PDE8B: variants seen among roughly 807,000 people sequenced by gnomAD.
PDE8B encodes the protein phosphodiesterase 8B.
PDE8B carries 26 observed loss-of-function variants against 101.3 expected under a neutral mutation model. The ratio of observed to expected loss-of-function variants is 0.26; its 90% confidence interval spans 0.19 to 0.36. The LOEUF (loss-of-function observed/expected upper bound fraction) is 0.36, where lower values mean the gene tolerates loss of function less well. Ranked by LOEUF, PDE8B falls within the 10% of genes least tolerant of loss-of-function variation. PDE8B has a pLI of 1.00. For synonymous variants in PDE8B, 424 were observed against 429.3 expected (o/e 0.99, Z 0.15); for missense variants, 810 against 1,163.1 (o/e 0.70, Z 4.42).
chr5:77,383,304 A>G (rs902167630), intron 10 of PDE8B, among the ~76,000 whole-genome samples: 9 of 151,980 alleles, frequency 5.9e-5, no homozygotes, highest in African/African-American at 1.9e-4. Context: ...TTTCTTGTAA[A>G]TTTGTTTAAG....
intron 2 of PDE8B, 74 bp from the exon 3 acceptor site, chr5:77,325,464 TG>T: frequency 7.4e-7 from 1 of 1,360,174 alleles, no homozygotes. Context: ...CCACTGCGCC[TG>T]GCCACTAGGC....
At chr5:77,307,220 T>A (rs1368606036) in intron 1 of PDE8B, among the ~76,000 whole-genome samples, 1 of 152,156 alleles carries the variant, frequency 6.6e-6, no homozygotes, top group Non-Finnish European at 1.5e-5. Flanking sequence ...TCCATGCCTG[T>A]GCCTGTGCTG....
In PDE8B at chr5:77,281,540, G is replaced by A. The variant is rs1401848623; in HGVS notation, c.340-30454G>A. ...TGGCTGCCAGCATTCTGTAGCCTAC[G>A]GCCACCTTATCCCAGTCTCTGCCTC... On this transcript the variant is annotated intron_variant, in intron 1 of 21. Coordinates refer to ENST00000264917, the MANE Select transcript of PDE8B (RefSeq NM_003719.5). Among the ~76,000 whole-genome samples the A allele has an allele frequency of 2.6e-5, 4 of 152,146 alleles. No individual in the cohort carries two copies. In the South Asian group the frequency reaches 6.2e-4, roughly 24 times the overall value.
At chr5:77,238,015 A>G (rs936970806) in intron 1 of PDE8B, among the ~76,000 whole-genome samples, 11 of 152,112 alleles carry the variant, frequency 7.2e-5, no homozygotes, top group Non-Finnish European at 1.6e-4. Flanking sequence ...GGATGCTTTC[A>G]AGAATTTTTC....
chr5:77,344,728 A>T lies in PDE8B; in HGVS notation c.798-125A>T, dbSNP rs530384517. The T allele has an allele frequency of 1.6e-4, 120 of 766,208 alleles. 1 individual carries two copies. Among genetic ancestry groups the T allele is most frequent in the Non-Finnish European group, 2.4e-4 (100 of 415,122 alleles). 47.5% of individuals were successfully genotyped at this position (766,208 alleles called of 1,614,324 possible). On this transcript the variant is annotated intron_variant, in intron 6 of 21. Coordinates refer to ENST00000264917, the MANE Select transcript of PDE8B (RefSeq NM_003719.5). ...ACTGTTGGGAGACATCAGCATTCAG[A>T]CCATGGCAATAACAAAAAGTACGTA...
rs1748144207 is a variant in PDE8B, at chr5:77,210,919, C to A, written c.-7C>A. The A allele has an allele frequency of 1.4e-6, 2 of 1,406,642 alleles. No individual in the cohort carries two copies. Among genetic ancestry groups the A allele is most frequent in the East Asian group, 6.0e-5 (2 of 33,076 alleles). 87.1% of individuals were successfully genotyped at this position (1,406,642 alleles called of 1,614,324 possible). A position where few individuals can be genotyped will look rare whatever the true frequency, so the allele number is the denominator to read the frequency against. Reference sequence around the variant, plus strand: ...CGGGCGGGCGCGCGGGGGAGCCCGGCCGAGGGATGGGCTGCGCCCCCAGCA... The same window carrying A: ...CGGGCGGGCGCGCGGGGGAGCCCGGACGAGGGATGGGCTGCGCCCCCAGCA... On this transcript the variant is annotated 5_prime_UTR_variant, in exon 1 of 22. Transcript: ENST00000264917. The surrounding 1 kb of genome is among the most constrained non-coding windows in gnomAD (Gnocchi z 4.9).
the PDE8B span, among the ~76,000 whole-genome samples, chr5:77,108,482 A>G: frequency 2.6e-5 from 4 of 152,162 alleles, no homozygotes; most frequent in Non-Finnish European, 4.4e-5. Flanking sequence ...CCAGGATTTG[A>G]GACAAGCCTG....
the PDE8B span, among the ~76,000 whole-genome samples, chr5:77,153,220 C>T: frequency 1.8e-4 from 27 of 152,034 alleles, no homozygotes; most frequent in African/African-American, 5.6e-4. Flanking sequence ...GCTTTTATTA[C>T]CTTTTAAGCT....
chr5:77,247,097 G>T (rs375999563), intron 1 of PDE8B, among the ~76,000 whole-genome samples: 11 of 152,196 alleles, frequency 7.2e-5, no homozygotes, highest in African/African-American at 2.7e-4. Flanking sequence ...TGTGCTATGG[G>T]CGTTTCCTCT....
chr5:77,258,773 C>T (rs10066037), intron 1 of PDE8B, among the ~76,000 whole-genome samples: 64,651 of 151,790 alleles, frequency 0.43, 14,078 homozygotes, highest in South Asian at 0.55. Context: ...TTCAGTGCTC[C>T]TACGCTTCCT....
rs1423250503 is a variant in PDE8B at position 77,284,942 on chromosome 5, T to C, written c.340-27052T>C. On this transcript the variant is annotated intron_variant, in intron 1 of 21. Transcript: ENST00000264917. ...CTGTAAACATTCTTGGACATATCTT[T>C]TGGTGCTCACTGGGCACATTCCTAT... Among the ~76,000 whole-genome samples the C allele has an allele frequency of 2.6e-5, 4 of 152,304 alleles. No homozygotes were observed. The East Asian group carries it at 7.7e-4, about 29-fold the overall frequency.
chr5:77,191,971 C>T, the PDE8B span, among the ~76,000 whole-genome samples: 21 of 152,284 alleles, frequency 1.4e-4, no homozygotes, highest in South Asian at 4.4e-3. Context: ...CAACCTAGAT[C>T]CGTTGCATAC....
intron 1 of PDE8B, among the ~76,000 whole-genome samples, chr5:77,300,538 T>C (rs559341362): frequency 6.6e-6 from 1 of 152,322 alleles, no homozygotes; most frequent in South Asian, 2.1e-4. Flanking sequence ...GCTGCTGCGG[T>C]GCTTACCTCT....
At chr5:77,151,789 A>AGG in the PDE8B span, 2 of 152,226 alleles carry the variant, frequency 1.3e-5, no homozygotes, top group Non-Finnish European at 1.5e-5. Flanking sequence ...TTGAAGGCTT[A>AGG]GGGACTGGTT....
At chr5:77,223,214 AG>A (rs1291406754) in intron 1 of PDE8B, among the ~76,000 whole-genome samples, 3 of 151,974 alleles carry the variant, frequency 2.0e-5, no homozygotes, top group African/African-American at 7.3e-5. Context: ...TTAATGAGAT[AG>A]TTTACATTCT....
the PDE8B span, among the ~76,000 whole-genome samples, chr5:77,194,922 G>T: frequency 6.6e-6 from 1 of 152,160 alleles, no homozygotes; most frequent in Non-Finnish European, 1.5e-5. Context: ...GTTATTGTTT[G>T]AATACCTGTT....
chr5:77,165,832 C>A, the PDE8B span, among the ~76,000 whole-genome samples: 1 of 151,940 alleles, frequency 6.6e-6, no homozygotes, highest in Admixed American at 6.6e-5. Flanking sequence ...ATGGCAAAAT[C>A]CCATCTCTAC....
chr5:77,211,375 A>G lies in PDE8B; in HGVS notation c.339+111A>G. 2.0e-6 allele frequency: 2 copies of G among 992,668 alleles called. No homozygotes were observed. Among genetic ancestry groups the G allele is most frequent in the Non-Finnish European group, 2.9e-6 (2 of 692,140 alleles). The allele number at this position is 992,668 out of a possible 1,614,324, so 61.5% of individuals were successfully genotyped here. A position where few individuals can be genotyped will look rare whatever the true frequency, so the allele number is the denominator to read the frequency against. On this transcript the variant is annotated intron_variant, in intron 1 of 21. Transcript: ENST00000264917. This position sits in a 1 kb window ranked among gnomAD's most constrained non-coding sequence, Gnocchi z 4.1. ...GGTGACCGTGAGGCGGTTGGTTTGG[A>G]GAGGTTGTCACTAAGGAGGAGTTTA...
At chr5:77,358,140 A>G (rs765054805) in intron 10 of PDE8B, among the ~76,000 whole-genome samples, 2 of 152,198 alleles carry the variant, frequency 1.3e-5, no homozygotes, top group African/African-American at 2.4e-5. Context: ...GATCCTTAGC[A>G]CTAACAGAGT....
Sources: gnomAD v4.1 joint callset for allele counts (sites outside exome capture counted in the v4.1 genomes callset) on GRCh38, gnomAD v4.1.1 for gene constraint, Gnocchi (gnomAD v3.1) non-coding constraint, MANE v1.5 for transcripts, NCBI Gene and HGNC (gene_info 2026-07-23, HGNC 2026-07-21) for gene names.